Variants in PCDHGC3 observed in about 807,000 individuals in gnomAD.
PCDHGC3 encodes protocadherin gamma subfamily C, 3, also known as protocadherin gamma-C3.
A neutral mutation model predicts 59.2 loss-of-function variants in PCDHGC3; 26 were observed. That is an observed-to-expected ratio of 0.44 (90% CI 0.32 to 0.61). The LOEUF is 0.61. PCDHGC3 is among the 20% of genes least tolerant of loss of function. PCDHGC3 has a pLI of 0.05. For synonymous variants in PCDHGC3, 487 were observed against 519.7 expected, an observed-to-expected ratio of 0.94 and a Z score of 0.86; for missense variants, 1,080 against 1,221.8, an observed-to-expected ratio of 0.88 and a Z score of 1.73.
Position 141,486,178 on chromosome 5 carries a change from C to A in PCDHGC3, c.2430+7632C>A, listed in dbSNP as rs767840363. On this transcript the variant is annotated intron_variant, in intron 1 of 3. Transcript: ENST00000308177. This position sits in a 1 kb window ranked among gnomAD's most constrained non-coding sequence, Gnocchi z 5.0. ...CTCCAGCCATGGAGCAACATTGCAG[C>A]CTTCGAGTGGATCTGCTGGACGTAA... 1.2e-6 allele frequency: 2 copies of A among 1,614,194 alleles called. No homozygotes were observed. The highest frequency in any genetic ancestry group is 2.2e-5 in the East Asian group (1 of 44,882).
In PCDHGC3 at chr5:141,512,494, C is replaced by T. The variant is rs2099884262; in HGVS notation, c.*1321C>T. The T allele has an allele frequency of 6.5e-6, 1 of 152,894 alleles. No individual in the cohort carries two copies. Among genetic ancestry groups the T allele is most frequent in the Admixed American group, 6.5e-5 (1 of 15,282 alleles). The allele number at this position is 152,894 out of a possible 1,614,324, so 9.5% of individuals were successfully genotyped here. Reference sequence around the variant, plus strand: ...CTTCCGTGAAGGCCACTGCCCAGGTCCCCAGTGCGCCCCCTAGTGGCCATA... The same window carrying T: ...CTTCCGTGAAGGCCACTGCCCAGGTTCCCAGTGCGCCCCCTAGTGGCCATA... On this transcript the variant is annotated 3_prime_UTR_variant, in exon 4 of 4. Transcript: ENST00000308177.
rs762238827 is a variant in PCDHGC3 at position 141,487,202 on chromosome 5, C to T, written c.2431-7605C>T. ...CACTCATCCAGTTGTCCCAGATCTT[C>T]GAGAATCTTCAGCTCCAAGGGAAGG... On this transcript the variant is annotated intron_variant, in intron 1 of 3. Coordinates refer to ENST00000308177, the MANE Select transcript of PCDHGC3 (RefSeq NM_002588.4). This position sits in a 1 kb window ranked among gnomAD's most constrained non-coding sequence, Gnocchi z 5.0. 7 of 1,613,660 alleles carry T rather than the reference C, an allele frequency of 4.3e-6. No homozygotes were observed. The highest frequency in any genetic ancestry group is 1.7e-5 in the Admixed American group (1 of 59,992).
At chr5:141,495,209 C>T (rs548415564) in intron 2 of PCDHGC3, among the ~76,000 whole-genome samples, 1 of 152,342 alleles carries the variant, frequency 6.6e-6, no homozygotes, top group Admixed American at 6.5e-5. Flanking sequence ...GCCTAACCCC[C>T]TCCCCTGAGT....
chr5:141,483,245 A>G (rs2099578786), intron 1 of PCDHGC3, among the ~76,000 whole-genome samples: 1 of 151,456 alleles, frequency 6.6e-6, no homozygotes, highest in Non-Finnish European at 1.5e-5. Flanking sequence ...TGATATGCAT[A>G]TATCATGAGG....
Position 141,478,101 on chromosome 5 carries a change from T to G in PCDHGC3, c.1985T>G (p.Leu662Arg). ...GEPSLSTTATLTVSVTEDSPE... is the reference protein window; with the variant it reads ...GEPSLSTTATRTVSVTEDSPE... ...CCTTCGCTCTCCACCACTGCTACCCTCACTGTGTCAGTAACCGAGGACTCT... is the reference window on the plus strand; with the variant it reads ...CCTTCGCTCTCCACCACTGCTACCCGCACTGTGTCAGTAACCGAGGACTCT... Residue 662 changes from leucine to arginine, a missense_variant, in exon 1 of 4, where the codon CTC becomes CGC. Transcript: ENST00000308177. The G allele has an allele frequency of 6.2e-7, 1 of 1,614,018 alleles. No homozygotes were observed. Among genetic ancestry groups the G allele is most frequent in the Middle Eastern group, 1.6e-4 (1 of 6,062 alleles).
chr5:141,477,175 A>T lies in PCDHGC3; in HGVS notation c.1059A>T (p.Thr353=), dbSNP rs1338347224. The change falls in exon 1 of 4, where the codon ACA becomes ACT. Residue 353 remains threonine, a synonymous_variant. Transcript: ENST00000308177. This position sits in a 1 kb window ranked among gnomAD's most constrained non-coding sequence, Gnocchi z 4.9. ...TGAATGACAACGCCCCGGAGATCAC[A>T]GTCACCTCCGTGTACAGCCCAGTAC... is the stretch of plus-strand genomic sequence containing the variant. ...VDVNDNAPEI[T]VTSVYSPVPE... The T allele has an allele frequency of 1.2e-6, 2 of 1,614,186 alleles. No individual in the cohort carries two copies. The highest frequency in any genetic ancestry group is 3.3e-5 in the Admixed American group (2 of 60,028).
Position 141,491,382 on chromosome 5 carries a change from G to T in PCDHGC3, c.2431-3425G>T, listed in dbSNP as rs918558. 0.21 allele frequency: 331,798 copies of T among 1,613,774 alleles called. 36,318 individuals are homozygous for T. The highest frequency in any genetic ancestry group is 0.37 in the Admixed American group (22,359 of 60,012). ...TAGTCACCTTCACCTTTCTGTCAGC[G>T]AAGTGCCTTCAGGGAAACGCAGACG... is the stretch of plus-strand genomic sequence containing the variant. On this transcript the variant is annotated intron_variant, in intron 1 of 3. Transcript: ENST00000308177. This position sits in a 1 kb window ranked among gnomAD's most constrained non-coding sequence, Gnocchi z 6.9.
chr5:141,484,699 T>A (rs899065665), intron 1 of PCDHGC3, among the ~76,000 whole-genome samples: 4 of 151,966 alleles, frequency 2.6e-5, no homozygotes, highest in African/African-American at 9.7e-5. Flanking sequence ...GCTGTGGCTG[T>A]TTTCCCCGCC....
rs1026815375 is a variant in PCDHGC3, at chr5:141,481,045, G to A, written c.2430+2499G>A. 4.6e-5 allele frequency among the ~76,000 whole-genome samples: 7 copies of A among 152,024 alleles called. No individual in the cohort carries two copies. In the South Asian group the frequency reaches 8.3e-4, roughly 18 times the overall value. ...TGCACTCCAGCCTGGGCGACAGAGCGAGACTCCACCTCAAAAACAAAAAGA... is the reference window on the plus strand; with the variant it reads ...TGCACTCCAGCCTGGGCGACAGAGCAAGACTCCACCTCAAAAACAAAAAGA... On this transcript the variant is annotated intron_variant, in intron 1 of 3. Coordinates refer to ENST00000308177, the MANE Select transcript of PCDHGC3 (RefSeq NM_002588.4).
At chr5:141,498,581 C>A (rs1281809549) in intron 2 of PCDHGC3, among the ~76,000 whole-genome samples, 1 of 152,104 alleles carries the variant, frequency 6.6e-6, no homozygotes, top group East Asian at 1.9e-4. Flanking sequence ...GTATTGAGTT[C>A]TTCAGTAAAC....
In PCDHGC3 at chr5:141,495,640, G is replaced by A. The variant is rs149177775; in HGVS notation, c.2489+775G>A. 1.2e-3 allele frequency among the ~76,000 whole-genome samples: 177 copies of A among 152,150 alleles called. 1 individual carries two copies. The highest frequency in any genetic ancestry group is 4.1e-3 in the African/African-American group (171 of 41,498). ...ACCTCAGCCTCAGTCCCTTTCATTT[G>A]TCTACTTGCATTGATCTGTGCCGCC... On this transcript the variant is annotated intron_variant, in intron 2 of 3. Transcript: ENST00000308177.
chr5:141,509,691 AC>A (rs1471858383), intron 3 of PCDHGC3, among the ~76,000 whole-genome samples: 5 of 152,064 alleles, frequency 3.3e-5, no homozygotes, highest in African/African-American at 1.2e-4. Flanking sequence ...GTACAGTGGG[AC>A]GTTGGACTGG....
chr5:141,502,661 T>G (rs1440361647), intron 2 of PCDHGC3, among the ~76,000 whole-genome samples: 1 of 152,240 alleles, frequency 6.6e-6, no homozygotes. Flanking sequence ...CAACCCTTCA[T>G]GCAATTTTAG....
rs553673516 is a variant in PCDHGC3, at chr5:141,476,211, T to C, written c.95T>C (p.Val32Ala). The C allele has an allele frequency of 5.4e-5, 87 of 1,613,942 alleles. No individual in the cohort carries two copies. The highest frequency in any genetic ancestry group is 7.0e-5 in the Non-Finnish European group (83 of 1,180,000). ...LLGALNKAST[V>A]IHYEIPEERE... ...GGTGCCTTGAACAAGGCTTCCACGG[T>C]CATTCACTATGAGATCCCGGAGGAA... Residue 32 changes from valine to alanine, a missense_variant, in exon 1 of 4, where the codon GTC (valine) becomes GCC (alanine). By Grantham distance (64) the Val-to-Ala change is moderately conservative. Coordinates refer to ENST00000308177, the MANE Select transcript of PCDHGC3 (RefSeq NM_002588.4). The surrounding 1 kb of genome is among the most constrained non-coding windows in gnomAD (Gnocchi z 7.6).
At chr5:141,484,506 G>T (rs1442936814) in intron 1 of PCDHGC3, among the ~76,000 whole-genome samples, 1 of 152,186 alleles carries the variant, frequency 6.6e-6, no homozygotes, top group Non-Finnish European at 1.5e-5. Context: ...TGAATATTCT[G>T]CAGAAGGGCA....
At chr5:141,483,361 A>G (rs752805137) in intron 1 of PCDHGC3, among the ~76,000 whole-genome samples, 1 of 152,102 alleles carries the variant, frequency 6.6e-6, no homozygotes, top group South Asian at 2.1e-4. Context: ...TTTGAAAGCT[A>G]TTGCAATATT....
At chr5:141,506,682 C>T (rs1333272766) in intron 3 of PCDHGC3, among the ~76,000 whole-genome samples, 4 of 152,192 alleles carry the variant, frequency 2.6e-5, no homozygotes, top group African/African-American at 9.6e-5. Context: ...ATATTATTAT[C>T]TTTGCTGACC....
At position 141,491,765 on chromosome 5, in the gene PCDHGC3, A is replaced by C; in HGVS notation, c.2431-3042A>C. 1 of 1,569,230 alleles carries C rather than the reference A, an allele frequency of 6.4e-7. No homozygotes were observed. On this transcript the variant is annotated intron_variant, in intron 1 of 3. Coordinates refer to ENST00000308177, the MANE Select transcript of PCDHGC3 (RefSeq NM_002588.4). This position sits in a 1 kb window ranked among gnomAD's most constrained non-coding sequence, Gnocchi z 6.9. The stretch of plus-strand genomic sequence containing the variant: ...GGCACTGGAGAAGCCGCCCGTCCTC[A>C]TAAGGGATTGAACTTGCATCCACTC...
chr5:141,479,636 CA>C (rs1397283180), intron 1 of PCDHGC3: 1 of 152,080 alleles, frequency 6.6e-6, no homozygotes, highest in African/African-American at 2.4e-5. Flanking sequence ...TTAACAATAA[CA>C]ACAACAACAA....
Sources: gnomAD v4.1 joint callset for allele counts (sites outside exome capture counted in the v4.1 genomes callset) on GRCh38, gnomAD v4.1.1 for gene constraint, Gnocchi (gnomAD v3.1) non-coding constraint, MANE v1.5 for transcripts, NCBI Gene and HGNC (gene_info 2026-07-23, HGNC 2026-07-21) for gene names.